The following AGBL4 variants were observed in gnomAD, a reference collection of about 807,000 sequenced individuals.
AGBL4 encodes the protein AGBL carboxypeptidase 4.
In AGBL4, 58 loss-of-function variants were observed where a neutral mutation model predicts 66.4. The observed-to-expected ratio is 0.87, with a 90% CI of 0.71 to 1.09. The LOEUF is 1.09. Among genes scored for constraint, AGBL4 ranks in the 50% least tolerant of loss-of-function variants. The pLI, the probability that AGBL4 is intolerant of heterozygous loss-of-function variation, is 0.00. For synonymous variants in AGBL4, 234 were observed against 222.9 expected, an observed-to-expected ratio of 1.05 and a Z score of -0.44; for missense variants, 579 against 631.0, an observed-to-expected ratio of 0.92 and a Z score of 0.88.
chr1:49,382,102 T>C (rs553984913), intron 3 of AGBL4, among the ~76,000 whole-genome samples: 3 of 152,260 alleles, frequency 2.0e-5, no homozygotes, highest in South Asian at 2.1e-4. Flanking sequence ...ATTTCTAGTA[T>C]GGATAAAAAA....
chr1:48,672,073 T>G (rs2148468002), intron 6 of AGBL4, among the ~76,000 whole-genome samples: 1 of 152,330 alleles, frequency 6.6e-6, no homozygotes, highest in Non-Finnish European at 1.5e-5. Flanking sequence ...GGGATGAAAG[T>G]CTAAGACAAT....
intron 4 of AGBL4, among the ~76,000 whole-genome samples, chr1:49,069,863 A>G (rs192671783): frequency 6.6e-6 from 1 of 151,984 alleles, no homozygotes; most frequent in Non-Finnish European, 1.5e-5. Context: ...TCTATACATA[A>G]GCATGGAATG....
At chr1:49,120,502 C>G (rs761908015) in intron 4 of AGBL4, among the ~76,000 whole-genome samples, 1 of 152,140 alleles carries the variant, frequency 6.6e-6, no homozygotes, top group African/African-American at 2.4e-5. Flanking sequence ...GTCTTTTCTT[C>G]AAGAATGTTG....
At chr1:48,846,307 G>C (rs1276771940) in intron 6 of AGBL4, among the ~76,000 whole-genome samples, 1 of 149,466 alleles carries the variant, frequency 6.7e-6, no homozygotes, top group Non-Finnish European at 1.5e-5. Flanking sequence ...TAGATAGATA[G>C]ATAGACAGAT....
chr1:49,722,597 C>G (rs1648693712), intron 2 of AGBL4, among the ~76,000 whole-genome samples: 1 of 152,072 alleles, frequency 6.6e-6, no homozygotes, highest in Admixed American at 6.6e-5. Flanking sequence ...GGGACATTTT[C>G]AAAATCATTC....
chr1:48,652,637 CT>C (rs1645949247), intron 8 of AGBL4, among the ~76,000 whole-genome samples: 1 of 152,154 alleles, frequency 6.6e-6, no homozygotes, highest in Non-Finnish European at 1.5e-5. Flanking sequence ...GATTTACTGG[CT>C]GTGTGACTTT....
chr1:48,798,659 A>T (rs1395830442), intron 6 of AGBL4, among the ~76,000 whole-genome samples: 1 of 152,112 alleles, frequency 6.6e-6, no homozygotes, highest in African/African-American at 2.4e-5. Context: ...TTAGGTTTAA[A>T]TCTTTGATCT....
chr1:48,773,674 T>C (rs936239945), intron 6 of AGBL4, among the ~76,000 whole-genome samples: 2 of 152,190 alleles, frequency 1.3e-5, no homozygotes, highest in Non-Finnish European at 2.9e-5. Context: ...GATGGGAACA[T>C]CGGCTACTTT....
chr1:48,925,505 GA>G (rs1654463024), intron 5 of AGBL4, among the ~76,000 whole-genome samples: 1 of 152,032 alleles, frequency 6.6e-6, no homozygotes, highest in Non-Finnish European at 1.5e-5. Flanking sequence ...AACATTATGA[GA>G]TTTTTTTTGT....
chr1:49,557,421 C>T (rs1383032671), intron 3 of AGBL4, among the ~76,000 whole-genome samples: 6 of 152,092 alleles, frequency 3.9e-5, no homozygotes, highest in Non-Finnish European at 8.8e-5. Flanking sequence ...CACCACCACA[C>T]CCCCACAACC....
chr1:49,762,140 T>G (rs1652371885), intron 2 of AGBL4, among the ~76,000 whole-genome samples: 2 of 152,344 alleles, frequency 1.3e-5, no homozygotes, highest in South Asian at 4.1e-4. Context: ...TTTAATTTTT[T>G]GAGAAATTTC....
At position 49,143,512 on chromosome 1, in the gene AGBL4, C is replaced by T. The variant is rs577953639; in HGVS notation, c.378-97712G>A. ...GCATTTGGTAAAAATGTGTCTTCTG[C>T]TTCTGGACTGTGAGTTCCGTGAGGG... On this transcript the variant is annotated intron_variant, in intron 4 of 13. Coordinates refer to ENST00000371839, the MANE Select transcript of AGBL4 (RefSeq NM_032785.4). Among the ~76,000 whole-genome samples the T allele has an allele frequency of 4.6e-5, 7 of 152,292 alleles. No individual in the cohort carries two copies. The South Asian group carries it at 8.3e-4, about 18-fold the overall frequency.
At chr1:49,851,612 A>T in intron 1 of AGBL4, 94 bp from the exon 2 acceptor site, 1 of 1,305,886 alleles carries the variant, frequency 7.7e-7, no homozygotes, top group Non-Finnish European at 1.0e-6. Context: ...CTAGTCACCA[A>T]GTGTTAACCC....
At chr1:49,948,058 ATATG>A (rs1313581234) in intron 1 of AGBL4, among the ~76,000 whole-genome samples, 1 of 92,290 alleles carries the variant, frequency 1.1e-5, no homozygotes, top group East Asian at 3.0e-4. Flanking sequence ...ATAAATATAT[ATATG>A]TAAATATATG....
intron 4 of AGBL4, among the ~76,000 whole-genome samples, chr1:49,232,837 A>G (rs986536483): frequency 6.6e-6 from 1 of 152,210 alleles, no homozygotes; most frequent in Non-Finnish European, 1.5e-5. Context: ...CAGAACACAC[A>G]AAAGAACACA....
At chr1:48,920,107 A>C (rs1653958349) in intron 5 of AGBL4, among the ~76,000 whole-genome samples, 2 of 152,182 alleles carry the variant, frequency 1.3e-5, no homozygotes, top group Non-Finnish European at 1.5e-5. Context: ...TGGTAGGTGA[A>C]TACCATTGTT....
At chr1:49,678,341 C>A (rs1646621077) in intron 3 of AGBL4, among the ~76,000 whole-genome samples, 1 of 151,900 alleles carries the variant, frequency 6.6e-6, no homozygotes, top group Non-Finnish European at 1.5e-5. Context: ...TAATGTGTGT[C>A]TTTTTGTGTT....
chr1:49,458,658 T>C (rs1158165582), intron 3 of AGBL4, among the ~76,000 whole-genome samples: 1 of 151,840 alleles, frequency 6.6e-6, no homozygotes, highest in African/African-American at 2.4e-5. Context: ...CTTTCAATTT[T>C]TCCCTGTTCA....
intron 1 of AGBL4, among the ~76,000 whole-genome samples, chr1:49,978,633 C>T (rs949684453): frequency 6.6e-6 from 1 of 152,124 alleles, no homozygotes; most frequent in African/African-American, 2.4e-5. Flanking sequence ...TCAGAATAAA[C>T]AGGTAAATAT....
Sources: gnomAD v4.1 joint callset for allele counts (sites outside exome capture counted in the v4.1 genomes callset) on GRCh38, gnomAD v4.1.1 for gene constraint, MANE v1.5 for transcripts, NCBI Gene and HGNC (gene_info 2026-07-23, HGNC 2026-07-21) for gene names.